The following CNTNAP2 variants were observed in gnomAD, a reference collection of about 807,000 sequenced individuals.
CNTNAP2 encodes contactin associated protein 2.
Under a neutral mutation model 155.2 loss-of-function variants are expected in CNTNAP2, and 98 were observed. That is an observed-to-expected ratio of 0.63 (90% CI 0.54 to 0.75). CNTNAP2 has a LOEUF of 0.75. Ranked by LOEUF, CNTNAP2 falls within the 30% of genes least tolerant of loss-of-function variation. CNTNAP2 has a pLI of 0.00. For missense variants in CNTNAP2, 1,727 were observed against 1,688.1 expected (o/e 1.02, Z -0.40); for synonymous variants, 651 against 631.2 (o/e 1.03, Z -0.47).
chr7:147,346,460 C>T (rs970761726), intron 9 of CNTNAP2, among the ~76,000 whole-genome samples: 2 of 152,094 alleles, frequency 1.3e-5, no homozygotes, highest in Non-Finnish European at 2.9e-5. Flanking sequence ...GGCCCATAAT[C>T]GAAGATTTTA....
At chr7:147,613,802 T>C (rs1801233092) in intron 12 of CNTNAP2, among the ~76,000 whole-genome samples, 3 of 152,036 alleles carry the variant, frequency 2.0e-5, no homozygotes, top group Admixed American at 2.0e-4. Flanking sequence ...AAAATCTCGC[T>C]ACTACACTCC....
chr7:147,175,427 T>A (rs191922757), intron 8 of CNTNAP2, among the ~76,000 whole-genome samples: 2 of 152,338 alleles, frequency 1.3e-5, no homozygotes, highest in African/African-American at 4.8e-5. Context: ...CATCTTCTAT[T>A]AAATGCTACT....
intron 1 of CNTNAP2, among the ~76,000 whole-genome samples, chr7:146,284,298 T>G (rs1800294506): frequency 6.6e-6 from 1 of 152,100 alleles, no homozygotes; most frequent in South Asian, 2.1e-4. Context: ...ATTAAAATGA[T>G]TTCACCTGGT....
rs561137441 is a variant in CNTNAP2 at position 146,224,292 on chromosome 7, A to G, written c.97+107319A>G. On this transcript the variant is annotated intron_variant, in intron 1 of 23. Coordinates refer to ENST00000361727, the MANE Select transcript of CNTNAP2 (RefSeq NM_014141.6). ...ACAGCTTTCTGGCAGGAGTTAAATGAAAATACTGTTTATTACTCTTATAAG... is the reference window on the plus strand; with the variant it reads ...ACAGCTTTCTGGCAGGAGTTAAATGGAAATACTGTTTATTACTCTTATAAG... Among the ~76,000 whole-genome samples the G allele has an allele frequency of 2.6e-4, 39 of 152,306 alleles. 1 individual carries two copies. The highest frequency in any genetic ancestry group is 7.5e-4 in the African/African-American group (31 of 41,566).
intron 4 of CNTNAP2, among the ~76,000 whole-genome samples, chr7:147,044,792 C>T (rs555313650): frequency 1.3e-5 from 2 of 151,958 alleles, no homozygotes; most frequent in South Asian, 2.1e-4. Context: ...TCTTGTTTGC[C>T]TGTCTGTCCT....
At chr7:148,097,340 T>TAA (rs754030091) in intron 15 of CNTNAP2, among the ~76,000 whole-genome samples, 2,582 of 78,266 alleles carry the variant, frequency 0.033, 124 homozygotes, top group African/African-American at 0.11. Context: ...GTGTCATTTG[T>TAA]AAAAAAAAAA....
chr7:146,308,812 T>C (rs11982027), intron 1 of CNTNAP2, among the ~76,000 whole-genome samples: 38,353 of 151,698 alleles, frequency 0.25, 12,491 homozygotes, highest in African/African-American at 0.76. Context: ...GAACATCACA[T>C]ACCGGGGCCT....
intron 1 of CNTNAP2, among the ~76,000 whole-genome samples, chr7:146,465,956 A>T (rs1432560468): frequency 6.6e-6 from 1 of 151,968 alleles, no homozygotes; most frequent in African/African-American, 2.4e-5. Flanking sequence ...TGAGTCGCTT[A>T]TTGACTTAAG....
rs184825998 is a variant in CNTNAP2 at position 147,080,372 on chromosome 7, G to C, written c.551-27775G>C. 4.6e-5 allele frequency among the ~76,000 whole-genome samples: 7 copies of C among 151,992 alleles called. No homozygotes were observed. In the East Asian group the frequency reaches 1.2e-3, roughly 25 times the overall value. ...TGGATTATACATCTTACTCAACTTC[G>C]TATCCAGACCCAGGCATATACCAGC... On this transcript the variant is annotated intron_variant, in intron 4 of 23. Transcript: ENST00000361727.
chr7:147,349,093 T>TA (rs34745423), intron 9 of CNTNAP2, among the ~76,000 whole-genome samples: 3,088 of 151,982 alleles, frequency 0.02, 106 homozygotes, highest in African/African-American at 0.071. Context: ...TAACAATATT[T>TA]AACAATAATA....
chr7:146,241,620 AAGAC>A (rs1194967757), intron 1 of CNTNAP2, among the ~76,000 whole-genome samples: 2 of 152,184 alleles, frequency 1.3e-5, no homozygotes, highest in Non-Finnish European at 2.9e-5. Flanking sequence ...TTTTTTTAGA[AAGAC>A]AGCCTTCCAC....
intron 11 of CNTNAP2, among the ~76,000 whole-genome samples, chr7:147,509,384 C>T (rs1482646683): frequency 1.3e-5 from 2 of 152,160 alleles, no homozygotes; most frequent in East Asian, 1.9e-4. Context: ...TCAACAAATG[C>T]TTGTCATATA....
intron 4 of CNTNAP2, among the ~76,000 whole-genome samples, chr7:147,090,322 C>T (rs965580069): frequency 2.1e-5 from 3 of 141,812 alleles, no homozygotes; most frequent in Admixed American, 1.4e-4. Flanking sequence ...AACATATAAG[C>T]GTGTGTGTGT....
At chr7:146,832,798 C>T (rs902816556) in intron 2 of CNTNAP2, among the ~76,000 whole-genome samples, 2 of 151,976 alleles carry the variant, frequency 1.3e-5, no homozygotes, top group East Asian at 1.9e-4. Flanking sequence ...TGGGTTCAAG[C>T]GATTCTCCTG....
chr7:147,241,129 C>T (rs1449252519), intron 8 of CNTNAP2, among the ~76,000 whole-genome samples: 3 of 152,144 alleles, frequency 2.0e-5, no homozygotes, highest in South Asian at 2.1e-4. Context: ...TAGGATCAGA[C>T]GTTGCTTCAA....
chr7:146,279,801 CA>C (rs1563019466), intron 1 of CNTNAP2, among the ~76,000 whole-genome samples: 1 of 151,272 alleles, frequency 6.6e-6, no homozygotes, highest in Non-Finnish European at 1.5e-5. Context: ...AAATAATATG[CA>C]TAATAATTTT....
chr7:146,214,454 T>C (rs1799083844), intron 1 of CNTNAP2, among the ~76,000 whole-genome samples: 1 of 152,216 alleles, frequency 6.6e-6, no homozygotes, highest in African/African-American at 2.4e-5. Context: ...TTCACCTTGT[T>C]TGCCTTTCAA....
At chr7:147,914,481 A>G (rs1288670810) in intron 14 of CNTNAP2, among the ~76,000 whole-genome samples, 1 of 151,104 alleles carries the variant, frequency 6.6e-6, no homozygotes, top group Non-Finnish European at 1.5e-5. Context: ...CAGAGGTTGC[A>G]GTGAGCCAAG....
chr7:146,776,377 T>C (rs2129186282), intron 2 of CNTNAP2, among the ~76,000 whole-genome samples: 2 of 152,290 alleles, frequency 1.3e-5, no homozygotes, highest in South Asian at 4.1e-4. Flanking sequence ...GGTTCTGTCA[T>C]GCAAACAGCA....
Sources: allele counts gnomAD v4.1 joint callset (sites outside exome capture counted in the v4.1 genomes callset), GRCh38; gene constraint gnomAD v4.1.1; transcripts MANE v1.5; gene names NCBI Gene and HGNC (gene_info 2026-07-23, HGNC 2026-07-21).